Variants in SLC35F4 observed in about 807,000 individuals in gnomAD.
The protein encoded by SLC35F4 is chromosome 14 open reading frame 36.
In SLC35F4, 24 loss-of-function variants were observed where a neutral mutation model predicts 44.2. The observed-to-expected ratio is 0.54, with a 90% CI of 0.39 to 0.76. The LOEUF (loss-of-function observed/expected upper bound fraction) is 0.76, where lower values mean the gene tolerates loss of function less well. SLC35F4 is among the 30% of genes least tolerant of loss of function. SLC35F4 has a pLI of 0.00. For synonymous variants in SLC35F4, 238 were observed against 223.6 expected, an observed-to-expected ratio of 1.06 and a Z score of -0.57; for missense variants, 562 against 586.1, an observed-to-expected ratio of 0.96 and a Z score of 0.42.
chr14:57,769,571 T>G (rs2077312313), intron 1 of SLC35F4, among the ~76,000 whole-genome samples: 2 of 152,230 alleles, frequency 1.3e-5, no homozygotes, highest in Admixed American at 6.5e-5. Context: ...TTTCTCATTT[T>G]AGAAGATGAA....
chr14:57,761,072 A>G (rs1285484420), intron 1 of SLC35F4, among the ~76,000 whole-genome samples: 1 of 152,144 alleles, frequency 6.6e-6, no homozygotes, highest in African/African-American at 2.4e-5. Context: ...TGTGCTGCAC[A>G]CAGGAAACTC....
At chr14:57,647,139 C>G (rs537436647) in intron 1 of SLC35F4, among the ~76,000 whole-genome samples, 3 of 151,656 alleles carry the variant, frequency 2.0e-5, no homozygotes, top group African/African-American at 2.4e-5. Flanking sequence ...CTATTAGGTC[C>G]GCTTGGTGCA....
intron 1 of SLC35F4, among the ~76,000 whole-genome samples, chr14:57,954,118 G>T (rs144246218): frequency 2.6e-5 from 4 of 152,250 alleles, no homozygotes; most frequent in Non-Finnish European, 4.4e-5. Context: ...TCAGGATTAG[G>T]AAACTCACTC....
chr14:57,874,584 AG>A (rs1197908487), intron 1 of SLC35F4, among the ~76,000 whole-genome samples: 2 of 152,188 alleles, frequency 1.3e-5, no homozygotes, highest in African/African-American at 4.8e-5. Context: ...GATGGTTCAG[AG>A]GCCCCTCGAT....
chr14:57,731,433 G>T (rs2076341928), intron 1 of SLC35F4, among the ~76,000 whole-genome samples: 1 of 152,178 alleles, frequency 6.6e-6, no homozygotes, highest in Admixed American at 6.6e-5. Context: ...TCATGGGAGG[G>T]TCATCCAGAC....
In SLC35F4 at chr14:57,906,108, C is replaced by G. The variant is rs189777692; in HGVS notation, n.282+75805G>C. Among the ~76,000 whole-genome samples, 19 of 152,258 alleles carry G rather than the reference C, an allele frequency of 1.2e-4. No individual in the cohort carries two copies. In the East Asian group the frequency reaches 2.9e-3, roughly 23 times the overall value. On this transcript the variant is annotated intron_variant and non_coding_transcript_variant, in intron 1 of 1. Coordinates refer to the SLC35F4 transcript ENST00000556568. The stretch of plus-strand genomic sequence containing the variant: ...CATCCCCCTGGTGACCAAAACTCAG[C>G]CTAAACCTTGACAGGGTATACTTTC...
At chr14:57,769,047 T>C (rs1339035825) in intron 1 of SLC35F4, among the ~76,000 whole-genome samples, 1 of 152,166 alleles carries the variant, frequency 6.6e-6, no homozygotes, top group Non-Finnish European at 1.5e-5. Flanking sequence ...GAGTACTGTT[T>C]GTAAGGAATT....
intron 7 of SLC35F4, among the ~76,000 whole-genome samples, chr14:57,565,372 A>G (rs759877459): frequency 2.0e-5 from 3 of 152,222 alleles, no homozygotes; most frequent in Non-Finnish European, 4.4e-5. Context: ...TCTTGCAGGA[A>G]GCCTTTTGGA....
intron 1 of SLC35F4, among the ~76,000 whole-genome samples, chr14:57,793,311 T>C (rs1400505202): frequency 6.6e-6 from 1 of 152,080 alleles, no homozygotes; most frequent in African/African-American, 2.4e-5. Context: ...GATGAAACTG[T>C]ACAGTGGTGA....
chr14:57,896,226 G>T (rs1479618687), intron 1 of SLC35F4, among the ~76,000 whole-genome samples: 1 of 152,134 alleles, frequency 6.6e-6, no homozygotes, highest in Non-Finnish European at 1.5e-5. Context: ...ACAATTGTGG[G>T]TGGATAAATA....
chr14:57,828,007 A>C (rs1272965593), intron 1 of SLC35F4, among the ~76,000 whole-genome samples: 1 of 152,162 alleles, frequency 6.6e-6, no homozygotes, highest in African/African-American at 2.4e-5. Context: ...CTCTTCTTCT[A>C]AGTTTCTTCT....
At chr14:57,793,231 T>C (rs1323028736) in intron 1 of SLC35F4, among the ~76,000 whole-genome samples, 9 of 152,160 alleles carry the variant, frequency 5.9e-5, no homozygotes, top group African/African-American at 2.2e-4. Context: ...TTTTTTATGC[T>C]CATTTTTTAA....
intron 1 of SLC35F4, among the ~76,000 whole-genome samples, chr14:57,955,185 C>T (rs1377211265): frequency 6.6e-6 from 1 of 151,862 alleles, no homozygotes; most frequent in Non-Finnish European, 1.5e-5. Context: ...GGACCAATGA[C>T]AAAAATCACA....
intron 1 of SLC35F4, among the ~76,000 whole-genome samples, chr14:57,718,050 C>A (rs954209722): frequency 2.0e-5 from 3 of 152,194 alleles, no homozygotes; most frequent in Non-Finnish European, 4.4e-5. Flanking sequence ...CTCTGGTAAC[C>A]ACCCTTTATT....
At chr14:57,786,341 G>A (rs942393205) in intron 1 of SLC35F4, among the ~76,000 whole-genome samples, 2 of 152,138 alleles carry the variant, frequency 1.3e-5, no homozygotes, top group Admixed American at 6.5e-5. Flanking sequence ...CACCCTGGTA[G>A]CAGAAGACAA....
chr14:57,818,639 TA>T (rs1882859495), intron 1 of SLC35F4, among the ~76,000 whole-genome samples: 2 of 152,140 alleles, frequency 1.3e-5, no homozygotes, highest in Admixed American at 1.3e-4. Flanking sequence ...GTCCAACAGG[TA>T]TTAAAAAATA....
intron 1 of SLC35F4, among the ~76,000 whole-genome samples, chr14:57,756,941 C>G (rs2077008880): frequency 6.6e-6 from 1 of 152,118 alleles, no homozygotes; most frequent in Non-Finnish European, 1.5e-5. Flanking sequence ...GGATTACAGG[C>G]ATGAGTCACC....
At chr14:57,596,311 T>C (rs1477506635) in intron 1 of SLC35F4, 1 of 175,860 alleles carries the variant, frequency 5.7e-6, no homozygotes, top group Non-Finnish European at 1.2e-5. Flanking sequence ...ATTGTTATTA[T>C]AAGAGCATCA....
chr14:57,595,025 A>G (rs906409175), intron 1 of SLC35F4, among the ~76,000 whole-genome samples: 6 of 152,178 alleles, frequency 3.9e-5, no homozygotes, highest in African/African-American at 1.4e-4. Context: ...ACACTGGTAC[A>G]TCACTATTAA....
Sources: gnomAD v4.1 joint callset for allele counts (sites outside exome capture counted in the v4.1 genomes callset) on GRCh38, gnomAD v4.1.1 for gene constraint, MANE v1.5 for transcripts, NCBI Gene and HGNC (gene_info 2026-07-23, HGNC 2026-07-21) for gene names.